CNTLN: variants seen among roughly 807,000 people sequenced by gnomAD.
CNTLN encodes the protein centlein, centrosomal protein.
CNTLN carries 212 observed loss-of-function variants against 180.0 expected under a neutral mutation model. That is an observed-to-expected ratio of 1.18 (90% CI 1.05 to 1.32). The LOEUF (loss-of-function observed/expected upper bound fraction) is 1.32. Among genes scored for constraint, CNTLN ranks in the 40% most tolerant of loss-of-function variants. The pLI is 0.00. For missense variants in CNTLN, 2,095 were observed against 1,610.9 expected (o/e 1.30, Z -5.14); for synonymous variants, 722 against 563.1 (o/e 1.28, Z -3.99).
At position 17,454,734 on chromosome 9, in the gene CNTLN, A is replaced by C. The variant is rs549061810; in HGVS notation, c.3115-2790A>C. 2.2e-4 allele frequency among the ~76,000 whole-genome samples: 34 copies of C among 152,318 alleles called. 1 individual carries two copies. In the South Asian group the frequency reaches 7.0e-3, roughly 32 times the overall value. ...GATCACCTTTGTTAGGTAGACAAGC[A>C]CCATCTCTTTTTAAATGAGGAAACA... is the stretch of plus-strand genomic sequence containing the variant. On this transcript the variant is annotated intron_variant, in intron 18 of 25. Transcript: ENST00000380647.
chr9:17,375,482 C>T (rs1401567428), intron 13 of CNTLN, among the ~76,000 whole-genome samples: 1 of 152,168 alleles, frequency 6.6e-6, no homozygotes, highest in Non-Finnish European at 1.5e-5. Context: ...CTGTGTATCA[C>T]ATGTCATCTA....
At chr9:17,464,657 A>G (rs747692397) in intron 21 of CNTLN, 34 bp downstream of exon 21, 1 of 1,291,424 alleles carries the variant, frequency 7.7e-7, no homozygotes, top group South Asian at 1.6e-5. Flanking sequence ...CACTAAAAAT[A>G]TCACTTCCTG....
intron 16 of CNTLN, among the ~76,000 whole-genome samples, chr9:17,414,341 AT>A (rs1199909681): frequency 2.0e-5 from 3 of 152,164 alleles, no homozygotes; most frequent in African/African-American, 4.8e-5. Context: ...TTGAGTTTGT[AT>A]TCAGTAATAG....
the CNTLN span, among the ~76,000 whole-genome samples, chr9:17,517,604 T>G: frequency 2.4e-4 from 36 of 151,692 alleles, no homozygotes; most frequent in Non-Finnish European, 1.5e-4. Flanking sequence ...GAGGTATAGT[T>G]TGGAGTTAGG....
intron 13 of CNTLN, among the ~76,000 whole-genome samples, chr9:17,374,942 C>T (rs559911261): frequency 5.9e-5 from 9 of 151,850 alleles, no homozygotes; most frequent in African/African-American, 1.9e-4. Context: ...GAAAGGAAAT[C>T]AGTATATTGA....
At chr9:17,514,153 T>TTA in the CNTLN span, among the ~76,000 whole-genome samples, 1 of 145,738 alleles carries the variant, frequency 6.9e-6, no homozygotes, top group Non-Finnish European at 1.5e-5. Context: ...GCAAATAGGT[T>TTA]AAAAAAAAAA....
chr9:17,269,532 T>C (rs1440357136), intron 5 of CNTLN, among the ~76,000 whole-genome samples: 5 of 152,206 alleles, frequency 3.3e-5, no homozygotes, highest in Non-Finnish European at 7.4e-5. Flanking sequence ...GTCAATTGGT[T>C]GTTTAAGAAT....
rs1444658515 is a variant in CNTLN, at chr9:17,457,489, T to C, written c.3115-35T>C. The C allele has an allele frequency of 2.8e-5, 31 of 1,124,032 alleles. 1 individual carries two copies. The highest frequency in any genetic ancestry group is 3.4e-5 in the Non-Finnish European group (29 of 858,280). 69.6% of individuals were successfully genotyped at this position (1,124,032 alleles called of 1,614,324 possible). On this transcript the variant is annotated intron_variant, in intron 18 of 25. Coordinates refer to ENST00000380647, the MANE Select transcript of CNTLN (RefSeq NM_017738.4). The stretch of plus-strand genomic sequence containing the variant: ...AGATTAAATATAGTTACTTTTAAAA[T>C]ATATTTATATTTATTTTCTTTTTTT...
intron 22 of CNTLN, 55 bp downstream of exon 22, chr9:17,466,173 T>G: frequency 6.7e-7 from 1 of 1,495,780 alleles, no homozygotes; most frequent in Non-Finnish European, 9.2e-7. Flanking sequence ...TCGTGTTTGT[T>G]TCATTTTTAA....
At chr9:17,509,145 T>C in the CNTLN span, among the ~76,000 whole-genome samples, 1 of 152,166 alleles carries the variant, frequency 6.6e-6, no homozygotes, top group Non-Finnish European at 1.5e-5. Context: ...TGGCATATGC[T>C]CAGAAGCAGG....
chr9:17,325,556 T>TAC (rs142190202), intron 8 of CNTLN, among the ~76,000 whole-genome samples: 114,885 of 147,560 alleles, frequency 0.78, 46,561 homozygotes, highest in Non-Finnish European at 0.9. Context: ...CAGATTTTAT[T>TAC]ACACACACAC....
At chr9:17,266,731 G>T (rs924472491) in intron 5 of CNTLN, among the ~76,000 whole-genome samples, 2 of 152,124 alleles carry the variant, frequency 1.3e-5, no homozygotes, top group Non-Finnish European at 2.9e-5. Context: ...CCTGTATTGG[G>T]TGCATATATA....
chr9:17,320,485 C>T (rs1819833222), intron 8 of CNTLN, among the ~76,000 whole-genome samples: 1 of 126,760 alleles, frequency 7.9e-6, no homozygotes, highest in Admixed American at 8.3e-5. Context: ...TAATATATTC[C>T]AATGCCTTTT....
chr9:17,331,796 A>G (rs1472114892), intron 9 of CNTLN, among the ~76,000 whole-genome samples: 2 of 152,024 alleles, frequency 1.3e-5, no homozygotes, highest in Admixed American at 1.3e-4. Context: ...CAAGCACTGA[A>G]CTTTATTTAA....
At chr9:17,474,144 A>T (rs889153106) in intron 23 of CNTLN, among the ~76,000 whole-genome samples, 15 of 151,834 alleles carry the variant, frequency 9.9e-5, no homozygotes, top group African/African-American at 3.6e-4. Context: ...CTGACCTATG[A>T]CTCCCTAATA....
chr9:17,229,565 A>G (rs1199220598), intron 3 of CNTLN, among the ~76,000 whole-genome samples: 1 of 152,156 alleles, frequency 6.6e-6, no homozygotes. Flanking sequence ...TGGAGGTAGA[A>G]TTTCTTCCTC....
At chr9:17,223,027 T>C (rs1824245275) in intron 2 of CNTLN, among the ~76,000 whole-genome samples, 1 of 152,050 alleles carries the variant, frequency 6.6e-6, no homozygotes, top group East Asian at 1.9e-4. Context: ...CAACGGGTAC[T>C]TGAAACCATG....
chr9:17,403,735 T>C (rs890101092), intron 15 of CNTLN, among the ~76,000 whole-genome samples: 7 of 151,360 alleles, frequency 4.6e-5, no homozygotes, highest in Admixed American at 4.6e-4. Flanking sequence ...GGTAGGGAGG[T>C]GGCCTAGTCA....
chr9:17,309,122 G>A lies in CNTLN; in HGVS notation c.1211G>A (p.Ser404Asn), dbSNP rs190047946. Residue 404 changes from serine to asparagine, a missense_variant, in exon 8 of 26, where the codon AGT (serine) becomes AAT (asparagine). Transcript: ENST00000380647. ...TCAAATGAAGCTATGCTCCGGCAAA[G>A]TGTTACTAATCTTCAGGATCAGCTA... ...TKSNEAMLRQ[S>N]VTNLQDQLLQ... 982 of 1,609,966 alleles carry A rather than the reference G, an allele frequency of 6.1e-4. 15 individuals carry two copies. In the Admixed American group the frequency reaches 0.016, roughly 26 times the overall value.
Sources: allele counts gnomAD v4.1 joint callset (sites outside exome capture counted in the v4.1 genomes callset), GRCh38; gene constraint gnomAD v4.1.1; transcripts MANE v1.5; gene names NCBI Gene and HGNC (gene_info 2026-07-23, HGNC 2026-07-21).